Variants in SH3D19 observed in about 807,000 individuals in gnomAD.
SH3D19 encodes the protein SH3 domain containing 19.
SH3D19 carries 58 observed loss-of-function variants against 112.1 expected under a neutral mutation model. That is an observed-to-expected ratio of 0.52 (90% confidence interval 0.42 to 0.64). The LOEUF is 0.64. Among genes scored for constraint, SH3D19 ranks in the 30% least tolerant of loss-of-function variants. The pLI, the probability that SH3D19 is intolerant of heterozygous loss-of-function variation, is 0.00. For synonymous variants in SH3D19, 391 were observed against 448.5 expected, an observed-to-expected ratio of 0.87 and a Z score of 1.62; for missense variants, 1,090 against 1,263.4, an observed-to-expected ratio of 0.86 and a Z score of 2.08.
chr4:151,235,138 G>A (rs1007058602), intron 1 of SH3D19, among the ~76,000 whole-genome samples: 1 of 152,058 alleles, frequency 6.6e-6, no homozygotes, highest in Non-Finnish European at 1.5e-5. Flanking sequence ...TTGTCACCCA[G>A]GTAATGAGCA....
intron 1 of SH3D19, among the ~76,000 whole-genome samples, chr4:151,267,871 T>C (rs1772930160): frequency 6.6e-6 from 1 of 152,152 alleles, no homozygotes; most frequent in Non-Finnish European, 1.5e-5. Flanking sequence ...GATTAGTCCC[T>C]GTGGAGGAGA....
intron 2 of SH3D19, among the ~76,000 whole-genome samples, chr4:151,213,873 T>A (rs904778219): frequency 8.6e-5 from 13 of 151,120 alleles, no homozygotes; most frequent in South Asian, 2.1e-4. Context: ...TTTTTTTTTT[T>A]TAATTTTATT....
Position 151,174,715 on chromosome 4 carries a change from A to C in SH3D19, c.1489T>G (p.Ser497Ala), listed in dbSNP as rs1468937588. 6.6e-7 allele frequency: 1 copy of C among 1,514,940 alleles called. No homozygotes were observed. Among genetic ancestry groups the C allele is most frequent in the African/African-American group, 1.4e-5 (1 of 71,626 alleles). The allele number at this position is 1,514,940 out of a possible 1,614,324, so 93.8% of individuals were successfully genotyped here. A position where few individuals can be genotyped will look rare whatever the true frequency, so the allele number is the denominator to read the frequency against. The change falls in exon 7 of 20, where the codon TCG becomes GCG. Residue 497 changes from serine to alanine, a missense_variant. Ser to Ala is a moderately conservative substitution (Grantham distance 99). Coordinates refer to ENST00000604030, the MANE Select transcript of SH3D19 (RefSeq NM_001378122.1). ...SFDDDVLPTPSGNLAEESVGS... is the reference protein window; with the variant it reads ...SFDDDVLPTPAGNLAEESVGS... ...ACAGATTCTTCAGCCAGGTTCCCCG[A>C]TGGGGTGGGCAAAACATCATCATCA...
rs199715010 is a variant in SH3D19, at chr4:151,148,123, T to C, written c.1881A>G (p.Pro627=). 1 of 1,613,702 alleles carries C rather than the reference T, an allele frequency of 6.2e-7. No individual in the cohort carries two copies. The highest frequency in any genetic ancestry group is 8.5e-7 in the Non-Finnish European group (1 of 1,179,916). The change falls in exon 11 of 20, where the codon CCA becomes CCG. Residue 627 remains proline, a synonymous_variant. Transcript: ENST00000604030. ...QPPTKVPPER[P]PPPKLSATRR... is the part of the protein sequence containing the mutation. ...TGGTTGCAGAAAGCTTTGGGGGAGG[T>C]GGTCTCTCAGGGGGCACCTTGGTTG... is the stretch of plus-strand genomic sequence containing the variant.
At chr4:151,154,788 T>C (rs1755767554) in intron 9 of SH3D19, among the ~76,000 whole-genome samples, 1 of 151,924 alleles carries the variant, frequency 6.6e-6, no homozygotes, top group African/African-American at 2.4e-5. Context: ...AGACGAGTCT[T>C]GCTCTGTTGC....
At chr4:151,149,211 A>C (rs975210668) in intron 10 of SH3D19, among the ~76,000 whole-genome samples, 1 of 152,104 alleles carries the variant, frequency 6.6e-6, no homozygotes, top group African/African-American at 2.4e-5. Context: ...GTTTGTGTGC[A>C]TGTATACGTA....
At chr4:151,164,110 GA>G (rs1460664612) in intron 8 of SH3D19, among the ~76,000 whole-genome samples, 1 of 152,080 alleles carries the variant, frequency 6.6e-6, no homozygotes, top group East Asian at 1.9e-4. Flanking sequence ...GCTTTATAGA[GA>G]AACCAAACTC....
intron 2 of SH3D19, among the ~76,000 whole-genome samples, chr4:151,216,759 A>G (rs1304445695): frequency 6.6e-6 from 1 of 152,208 alleles, no homozygotes; most frequent in African/African-American, 2.4e-5. Flanking sequence ...GTGGTAGACC[A>G]GCCAATAAAA....
chr4:151,148,941 G>A (rs1200384701), intron 10 of SH3D19, among the ~76,000 whole-genome samples: 2 of 152,148 alleles, frequency 1.3e-5, no homozygotes, highest in African/African-American at 4.8e-5. Flanking sequence ...GGGAGGCTGA[G>A]GCAGGAGAAT....
In SH3D19 at chr4:151,176,637, A is replaced by C; in HGVS notation, c.426T>G (p.Val142=). 1 of 1,231,958 alleles carries C rather than the reference A, an allele frequency of 8.1e-7. No individual in the cohort carries two copies. The highest frequency in any genetic ancestry group is 1.0e-6 in the Non-Finnish European group (1 of 987,778). 76.3% of individuals were successfully genotyped at this position (1,231,958 alleles called of 1,614,324 possible). The change falls in exon 6 of 20, where the codon GTT becomes GTG. Residue 142 remains valine, a synonymous_variant. Transcript: ENST00000604030. ...CAGCATTATTATTATTTGTAGTATT[A>C]ACTTGAACTTGGTTGATTTCTTTTA... ...QVIKEINQVQ[V]NTTNNNNAAA... is the part of the protein sequence containing the mutation.
At chr4:151,150,891 G>T (rs1371846793) in intron 9 of SH3D19, among the ~76,000 whole-genome samples, 2 of 151,960 alleles carry the variant, frequency 1.3e-5, no homozygotes, top group African/African-American at 4.8e-5. Flanking sequence ...TCTGTTGAGT[G>T]GGAAGCCAAA....
intron 1 of SH3D19, among the ~76,000 whole-genome samples, chr4:151,293,050 T>C (rs12647331): frequency 0.36 from 54,921 of 150,550 alleles, 10,907 homozygotes; most frequent in Middle Eastern, 0.47. Flanking sequence ...AACTCAGGAG[T>C]TGGAGGTTGC....
At chr4:151,131,747 C>T (rs948621064) in intron 17 of SH3D19, among the ~76,000 whole-genome samples, 5 of 152,134 alleles carry the variant, frequency 3.3e-5, no homozygotes, top group African/African-American at 1.2e-4. Context: ...CTCGGCTTCC[C>T]AAAGTGCTGG....
chr4:151,180,703 A>G (rs932055503), intron 3 of SH3D19, among the ~76,000 whole-genome samples: 5 of 144,858 alleles, frequency 3.5e-5, no homozygotes, highest in Non-Finnish European at 6.1e-5. Flanking sequence ...ACTGCGCCCG[A>G]CACATATGGG....
At chr4:151,146,772 G>A (rs951772512) in intron 11 of SH3D19, among the ~76,000 whole-genome samples, 2 of 152,084 alleles carry the variant, frequency 1.3e-5, no homozygotes, top group Non-Finnish European at 2.9e-5. Flanking sequence ...AATCTCAAGT[G>A]ATCCACCCGC....
At chr4:151,265,905 G>A (rs1772753870) in intron 1 of SH3D19, among the ~76,000 whole-genome samples, 1 of 152,002 alleles carries the variant, frequency 6.6e-6, no homozygotes, top group Non-Finnish European at 1.5e-5. Context: ...TATTACAGCA[G>A]CTTTGGAAAA....
intron 14 of SH3D19, among the ~76,000 whole-genome samples, chr4:151,136,178 CA>C (rs1468781342): frequency 2.6e-5 from 4 of 152,118 alleles, no homozygotes; most frequent in Non-Finnish European, 2.9e-5. Context: ...GACAGGGTCT[CA>C]CTCTGTTGCC....
chr4:151,321,415 T>A (rs535686721), intron 1 of SH3D19, among the ~76,000 whole-genome samples: 3 of 152,122 alleles, frequency 2.0e-5, no homozygotes, highest in Non-Finnish European at 4.4e-5. Flanking sequence ...GTTGTGCAGA[T>A]AGAGATGAAG....
At chr4:151,163,180 C>T (rs547378248) in intron 8 of SH3D19, among the ~76,000 whole-genome samples, 55 of 152,322 alleles carry the variant, frequency 3.6e-4, no homozygotes, top group Non-Finnish European at 3.8e-4. Flanking sequence ...TGGAAGCTTG[C>T]ATCTGGTTTC....
Sources: allele counts gnomAD v4.1 joint callset (sites outside exome capture counted in the v4.1 genomes callset), GRCh38; gene constraint gnomAD v4.1.1; transcripts MANE v1.5; gene names NCBI Gene and HGNC (gene_info 2026-07-23, HGNC 2026-07-21).